ZMYM3: variants seen among roughly 807,000 people sequenced by gnomAD.
ZMYM3 encodes the protein zinc finger MYM-type protein 3.
Under a neutral mutation model 94.2 loss-of-function variants are expected in ZMYM3, and 6 were observed. That is an observed-to-expected ratio of 0.06 (90% CI 0.03 to 0.13). The LOEUF (loss-of-function observed/expected upper bound fraction) is 0.13. Ranked by LOEUF, ZMYM3 falls within the 10% of genes least tolerant of loss-of-function variation. The pLI is 1.00. For missense variants in ZMYM3, 664 were observed against 1,132.6 expected (o/e 0.59, Z 5.94); for synonymous variants, 420 against 426.5 (o/e 0.98, Z 0.19).
chrX:71,243,768 T>C (rs1169636620), intron 21 of ZMYM3, 61 bp downstream of exon 21: 1 of 1,185,101 alleles, frequency 8.4e-7, no homozygotes, highest in African/African-American at 1.8e-5. Context: ...GAATCATTTC[T>C]GTTTAGACCC....
Position 71,249,002 on chromosome X carries a change from G to C in ZMYM3, c.1621+17C>G. 1 of 1,210,545 alleles carries C rather than the reference G, an allele frequency of 8.3e-7. No homozygotes were observed. Among genetic ancestry groups the C allele is most frequent in the Non-Finnish European group, 1.1e-6 (1 of 894,860 alleles). On this transcript the variant is annotated intron_variant, in intron 8 of 24. Coordinates refer to ENST00000314425, the MANE Select transcript of ZMYM3 (RefSeq NM_201599.3). ...GAAGGCCAGCAGGGGACTCAGAGAA[G>C]AGGGCTTTGCACCTACCAGTGAGCC...
chrX:71,242,683 G>A (rs1188061273), intron 22 of ZMYM3, among the ~76,000 whole-genome samples: 2 of 112,034 alleles, frequency 1.8e-5, no homozygotes, highest in Non-Finnish European at 3.8e-5. Context: ...TAAACCTTGA[G>A]GAGTCCCACG....
chrX:71,249,638 G>A lies in ZMYM3; in HGVS notation c.1293C>T (p.Leu431=), dbSNP rs1349571706. The A allele has an allele frequency of 1.7e-6, 2 of 1,209,890 alleles. No individual in the cohort carries two copies. The highest frequency in any genetic ancestry group is 3.5e-5 in the African/African-American group (2 of 57,137). Residue 431 remains leucine (L), a synonymous_variant, in exon 7 of 25, where the codon CTC becomes CTT. Coordinates refer to ENST00000314425, the MANE Select transcript of ZMYM3 (RefSeq NM_201599.3). ...EVSNGSVVHR[L]CSDSCFSKFR... is the part of the protein sequence containing the mutation. The stretch of plus-strand genomic sequence containing the variant: ...ATTTGGAGAAGCAAGAATCGCTGCA[G>A]AGCCGGTGTACCACGCTGCCATTGC...
In ZMYM3 at chrX:71,246,361, C is replaced by T. The variant is rs539086022; in HGVS notation, c.2564G>A (p.Ser855Asn). 943 of 1,205,912 alleles carry T rather than the reference C, an allele frequency of 7.8e-4. 5 individuals carry two copies. In the South Asian group the frequency reaches 0.016, roughly 20 times the overall value. Residue 855 changes from serine to asparagine, a missense_variant, in exon 15 of 25, where the codon AGT (serine) becomes AAT (asparagine). Coordinates refer to ENST00000314425, the MANE Select transcript of ZMYM3 (RefSeq NM_201599.3). Reference sequence around the variant, plus strand: ...GAGGTACCCTGGCTCACCTGTTTGACTTCCTTTGGACTTCATCTCCACCTT... The same window carrying T: ...GAGGTACCCTGGCTCACCTGTTTGATTTCCTTTGGACTTCATCTCCACCTT... The part of the protein sequence containing the change: ...SCKVEMKSKG[S>N]QTEEWKPQVI...
Position 71,247,486 on chromosome X carries a change from G to A in ZMYM3, c.2173C>T (p.Arg725Cys). ...ATGGTCTCCAGCAGCTTCCCCTGGC[G>A]CTTACACGCATGGCACCGGGCAGCC... is the stretch of plus-strand genomic sequence containing the variant. ...CKAARCHACKRQGKLLETIHW... is the reference protein window; with the variant it reads ...CKAARCHACKCQGKLLETIHW... Residue 725 changes from arginine to cysteine, a missense_variant, in exon 13 of 25, where the codon CGC (arginine) becomes TGC (cysteine). Physicochemically the swap from Arg to Cys is radical, Grantham distance 180 (BLOSUM62 -3). Transcript: ENST00000314425. 2.5e-6 allele frequency: 3 copies of A among 1,211,210 alleles called. No homozygotes were observed. The highest frequency in any genetic ancestry group is 3.4e-6 in the Non-Finnish European group (3 of 895,006).
At chrX:71,247,213 A>T in intron 13 of ZMYM3, 132 bp downstream of exon 13, 1 of 579,127 alleles carries the variant, frequency 1.7e-6, no homozygotes, top group Non-Finnish European at 2.6e-6. Context: ...AAAAGAGAAT[A>T]CAGTTCACAG....
rs767762255 is a variant in ZMYM3, at chrX:71,245,454, G to A, written c.2892C>T (p.Leu964=). 5.5e-5 allele frequency: 67 copies of A among 1,207,961 alleles called. No homozygotes were observed. Among genetic ancestry groups the A allele is most frequent in the Non-Finnish European group, 7.2e-5 (64 of 894,387 alleles). Residue 964 remains leucine, a synonymous_variant, in exon 18 of 25, where the codon CTC becomes CTT. Coordinates refer to ENST00000314425, the MANE Select transcript of ZMYM3 (RefSeq NM_201599.3). The stretch of plus-strand genomic sequence containing the variant: ...GCCCAAACAGGTCACAGTCTTCCAG[G>A]AGTCCCTCTGCACTCTGGTTGCTCA... ...DLVSNQSAEG[L]LEDCDLFGPA... is the part of the protein sequence containing the mutation.
chrX:71,245,533 C>A (rs767571533), intron 17 of ZMYM3, 48 bp from the exon 18 acceptor site: 390 of 1,171,503 alleles, frequency 3.3e-4, no homozygotes, highest in Non-Finnish European at 4.3e-4. Context: ...CCTGCTAGCA[C>A]CCTCACAAGC....
intron 4 of ZMYM3, 38 bp from the exon 5 acceptor site, chrX:71,250,764 A>C: frequency 8.8e-7 from 1 of 1,135,349 alleles, no homozygotes; most frequent in South Asian, 2.1e-5. Flanking sequence ...AAAGGCCACC[A>C]AACCAGGTCT....
At chrX:71,241,995 A>G (rs2029967071) in intron 23 of ZMYM3, among the ~76,000 whole-genome samples, 175 bp downstream of exon 23, 2 of 111,575 alleles carry the variant, frequency 1.8e-5, no homozygotes, top group African/African-American at 6.5e-5. Context: ...TGCAACAGCT[A>G]CTGCCTATCA....
chrX:71,248,422 G>T lies in ZMYM3; in HGVS notation c.1824+16C>A, dbSNP rs1270876966. 1 of 1,206,183 alleles carries T rather than the reference G, an allele frequency of 8.3e-7. No homozygotes were observed. The highest frequency in any genetic ancestry group is 1.1e-6 in the Non-Finnish European group (1 of 891,962). On this transcript the variant is annotated intron_variant, in intron 10 of 24. Coordinates refer to ENST00000314425, the MANE Select transcript of ZMYM3 (RefSeq NM_201599.3). ...CTGGTCGTGTGGCAAGACGTGGGTG[G>T]GGGTGGGGCTCTTACCTGCCAGTCC...
At position 71,250,698 on chromosome X, in the gene ZMYM3, G is replaced by A. The variant is rs768391170; in HGVS notation, c.807C>T (p.Ala269=). 1 of 1,201,304 alleles carries A rather than the reference G, an allele frequency of 8.3e-7. No homozygotes were observed. Among genetic ancestry groups the A allele is most frequent in the Non-Finnish European group, 1.1e-6 (1 of 888,786 alleles). ...SIPVSDEDSD[A]MVDDPNDEDF... ...CCTCATCATTGGGGTCATCTACCAT[G>A]GCATCAGAATCCTCATCTGACACTG... is the stretch of plus-strand genomic sequence containing the variant. The change falls in exon 5 of 25, where the codon GCC becomes GCT. Residue 269 remains alanine, a synonymous_variant. Coordinates refer to ENST00000314425, the MANE Select transcript of ZMYM3 (RefSeq NM_201599.3).
Position 71,252,914 on chromosome X carries a change from A to G in ZMYM3, c.342T>C (p.Pro114=). Residue 114 remains proline, a synonymous_variant, in exon 2 of 25, where the codon CCT becomes CCC. Coordinates refer to ENST00000314425, the MANE Select transcript of ZMYM3 (RefSeq NM_201599.3). ...CCTCAGGGGTCTGGCCCCCTGGTCC[A>G]GGCTCTAGGGTCTGATCTCCTGCAT... ...AWDAGDQTLE[P]GPGGQTPEVV... is the part of the protein sequence containing the mutation. 8.3e-7 allele frequency: 1 copy of G among 1,211,251 alleles called. No homozygotes were observed. The highest frequency in any genetic ancestry group is 3.0e-5 in the East Asian group (1 of 33,835).
intron 18 of ZMYM3, among the ~76,000 whole-genome samples, 186 bp from the exon 19 acceptor site, chrX:71,245,079 A>C (rs1024282152): frequency 1.9e-5 from 2 of 104,973 alleles, no homozygotes; most frequent in Non-Finnish European, 3.9e-5. Context: ...CTGAACCGTA[A>C]ACATGTTGAA....
chrX:71,248,865 G>T (rs2030313580), intron 8 of ZMYM3, 64 bp from the exon 9 acceptor site: 1 of 1,090,077 alleles, frequency 9.2e-7, no homozygotes, highest in Admixed American at 2.6e-5. Flanking sequence ...AGAGCACACA[G>T]AAGGTGTAAG....
chrX:71,250,055 G>A lies in ZMYM3; in HGVS notation c.1222C>T (p.Arg408Cys). ...CCAGTCTTCTGGCATATGCTGCAGC[G>A]AGTAGCGTCGGCGGGATCCCCAGAC... ...PQSGDPADAT[R>C]CSICQKTGEV... Residue 408 changes from arginine (R) to cysteine (C), a missense_variant, in exon 6 of 25, where the codon CGC becomes TGC. This residue lies in a region of ZMYM3 where 51 missense variants were observed against 53.0 expected (regional missense o/e 0.96). Transcript: ENST00000314425. 4 of 1,192,129 alleles carry A rather than the reference G, an allele frequency of 3.4e-6. No homozygotes were observed. The highest frequency in any genetic ancestry group is 1.9e-5 in the South Asian group (1 of 52,968).
At position 71,242,151 on chromosome X, in the gene ZMYM3, G is replaced by C; in HGVS notation, c.3802+19C>G. 8.6e-7 allele frequency: 1 copy of C among 1,168,038 alleles called. No individual in the cohort carries two copies. The highest frequency in any genetic ancestry group is 3.2e-5 in the East Asian group (1 of 31,107). ...GGCAGAGAAGGGGCAAAAGCACAGG[G>C]GAGGGGGCAGCCTCGTACCTCGCCC... On this transcript the variant is annotated intron_variant, in intron 23 of 24. Coordinates refer to ENST00000314425, the MANE Select transcript of ZMYM3 (RefSeq NM_201599.3).
chrX:71,250,906 C>T (rs1331692826), intron 4 of ZMYM3, among the ~76,000 whole-genome samples, 180 bp from the exon 5 acceptor site: 1 of 111,320 alleles, frequency 9.0e-6, no homozygotes, highest in African/African-American at 3.3e-5. Context: ...TCTGTAACCT[C>T]CCAGGGAGGG....
Position 71,240,863 on chromosome X carries a change from A to G in ZMYM3, c.*53T>C, listed in dbSNP as rs963914761. ...TCCTGGGCCTGTCACCCTGAGGGAC[A>G]TGGCCACAGGACAGACATTGATGTG... On this transcript the variant is annotated 3_prime_UTR_variant, in exon 25 of 25. Coordinates refer to ENST00000314425, the MANE Select transcript of ZMYM3 (RefSeq NM_201599.3). 1.7e-6 allele frequency: 2 copies of G among 1,153,810 alleles called. No individual in the cohort carries two copies. Among genetic ancestry groups the G allele is most frequent in the Middle Eastern group, 2.4e-4 (1 of 4,083 alleles).
Sources: gnomAD v4.1 joint callset for allele counts (sites outside exome capture counted in the v4.1 genomes callset) on GRCh38, gnomAD v4.1.1 for gene constraint, gnomAD v4.1.1 regional missense constraint, MANE v1.5 for transcripts, NCBI Gene and HGNC (gene_info 2026-07-23, HGNC 2026-07-21) for gene names.